The following PARD3B variants were observed in gnomAD, a reference collection of about 807,000 sequenced individuals.
The protein encoded by PARD3B is par-3 family cell polarity regulator beta, also known as partitioning defective 3 homolog B.
PARD3B carries 103 observed loss-of-function variants against 130.2 expected under a neutral mutation model. That is an observed-to-expected ratio of 0.79 (90% CI 0.67 to 0.93). The LOEUF is 0.93. PARD3B is among the 40% of genes least tolerant of loss of function. PARD3B has a pLI of 0.00. For synonymous variants in PARD3B, 583 were observed against 553.2 expected, an observed-to-expected ratio of 1.05 and a Z score of -0.76; for missense variants, 1,609 against 1,499.2, an observed-to-expected ratio of 1.07 and a Z score of -1.21.
rs1474364667 is a variant in PARD3B at position 204,669,032 on chromosome 2, GA to G, written c.121-17146del. On this transcript the variant is annotated intron_variant, in intron 1 of 22. Coordinates refer to ENST00000406610, the MANE Select transcript of PARD3B (RefSeq NM_001302769.2). This position sits in a 1 kb window ranked among gnomAD's most constrained non-coding sequence, Gnocchi z 4.3. The stretch of plus-strand genomic sequence containing the variant: ...AATGAATCCTCCCTTGGAGCCTCCA[GA>G]AAGGAATTCAGGTCCACTCACATCT... Among the ~76,000 whole-genome samples, 3 of 152,252 alleles carry G rather than the reference GA, an allele frequency of 2.0e-5. No homozygotes were observed. Among genetic ancestry groups the G allele is most frequent in the Admixed American group, 6.5e-5 (1 of 15,290 alleles).
chr2:204,746,827 TG>T (rs1256869208), intron 2 of PARD3B, among the ~76,000 whole-genome samples: 1 of 152,188 alleles, frequency 6.6e-6, no homozygotes, highest in Non-Finnish European at 1.5e-5. Context: ...GTGATGGGGT[TG>T]TTTTTTTCTT....
chr2:204,815,521 A>G (rs2043113387), intron 2 of PARD3B, among the ~76,000 whole-genome samples: 1 of 151,936 alleles, frequency 6.6e-6, no homozygotes, highest in South Asian at 2.1e-4. Context: ...TCTGCTTTCT[A>G]GTTCATTGAT....
chr2:204,815,868 G>A (rs895161622), intron 2 of PARD3B, among the ~76,000 whole-genome samples: 1 of 152,026 alleles, frequency 6.6e-6, no homozygotes, highest in African/African-American at 2.4e-5. Context: ...TCTGGTCAGG[G>A]AACATGCTTG....
intron 2 of PARD3B, among the ~76,000 whole-genome samples, chr2:204,905,318 G>T (rs939454099): frequency 1.3e-5 from 2 of 152,168 alleles, no homozygotes; most frequent in African/African-American, 2.4e-5. Flanking sequence ...TGGTGTTTGG[G>T]ACCTGGCATG....
At chr2:204,966,053 A>G (rs1228677590) in intron 3 of PARD3B, among the ~76,000 whole-genome samples, 2 of 152,186 alleles carry the variant, frequency 1.3e-5, no homozygotes, top group African/African-American at 2.4e-5. Flanking sequence ...GACTACTTAG[A>G]GCACCTGTTA....
intron 2 of PARD3B, among the ~76,000 whole-genome samples, chr2:204,873,740 A>T (rs13423367): frequency 6.6e-6 from 1 of 152,180 alleles, no homozygotes; most frequent in South Asian, 2.1e-4. Context: ...GTTACACCTG[A>T]GTCCACGTAA....
intron 15 of PARD3B, among the ~76,000 whole-genome samples, chr2:205,238,351 A>C (rs909691344): frequency 6.6e-5 from 10 of 152,294 alleles, no homozygotes; most frequent in African/African-American, 2.4e-4. Flanking sequence ...ACCGGCTGTC[A>C]TTCCATCTAC....
At chr2:205,380,084 A>T (rs1310215910) in intron 18 of PARD3B, among the ~76,000 whole-genome samples, 1 of 136,518 alleles carries the variant, frequency 7.3e-6, no homozygotes, top group African/African-American at 2.7e-5. Context: ...AAAAAAAAAT[A>T]TGTATATATA....
At chr2:204,903,657 A>T (rs973913960) in intron 2 of PARD3B, among the ~76,000 whole-genome samples, 1 of 152,154 alleles carries the variant, frequency 6.6e-6, no homozygotes, top group Non-Finnish European at 1.5e-5. Flanking sequence ...ATCGATCTGG[A>T]ATAAAATGAA....
At position 205,021,469 on chromosome 2, in the gene PARD3B, G is replaced by A. The variant is rs1696590039; in HGVS notation, c.395-26112G>A. ...TGACTTCCCAACGGCTGCTCACACAGCCTCTGGAAGTGGTAACTTTGGAAG... is the reference window on the plus strand; with the variant it reads ...TGACTTCCCAACGGCTGCTCACACAACCTCTGGAAGTGGTAACTTTGGAAG... On this transcript the variant is annotated intron_variant, in intron 3 of 22. Transcript: ENST00000406610. This position sits in a 1 kb window ranked among gnomAD's most constrained non-coding sequence, Gnocchi z 4.5. Among the ~76,000 whole-genome samples the A allele has an allele frequency of 2.0e-5, 3 of 152,202 alleles. No individual in the cohort carries two copies. The highest frequency in any genetic ancestry group is 2.0e-4 in the Admixed American group (3 of 15,272).
chr2:204,573,452 A>C (rs1275405224), intron 1 of PARD3B, among the ~76,000 whole-genome samples: 1 of 152,156 alleles, frequency 6.6e-6, no homozygotes. Context: ...CTTAGCAGTG[A>C]TGTCATTGAG....
rs181485284 is a variant in PARD3B at position 205,042,167 on chromosome 2, T to C, written c.395-5414T>C. 4.7e-4 allele frequency among the ~76,000 whole-genome samples: 71 copies of C among 152,300 alleles called. 1 individual carries two copies. Among genetic ancestry groups the C allele is most frequent in the East Asian group, 1.9e-3 (10 of 5,176 alleles). On this transcript the variant is annotated intron_variant, in intron 3 of 22. Coordinates refer to ENST00000406610, the MANE Select transcript of PARD3B (RefSeq NM_001302769.2). ...CAAACTGAATTAGACGACCCTCCTC[T>C]TGGCTTCCTTAGTGACATTTAAAGG... is the stretch of plus-strand genomic sequence containing the variant.
At position 205,461,466 on chromosome 2, in the gene PARD3B, G is replaced by T. The variant is rs956362298; in HGVS notation, c.3044+20794G>T. Among the ~76,000 whole-genome samples, 4 of 152,048 alleles carry T rather than the reference G, an allele frequency of 2.6e-5. No individual in the cohort carries two copies. The highest frequency in any genetic ancestry group is 4.4e-5 in the Non-Finnish European group (3 of 68,012). The stretch of plus-strand genomic sequence containing the variant: ...CTAGCACGGACTGCCATGTAGAAAA[G>T]GTCCCCTATTATTTCAGCACCACAT... On this transcript the variant is annotated intron_variant, in intron 20 of 22. Transcript: ENST00000406610. The surrounding 1 kb of genome is among the most constrained non-coding windows in gnomAD (Gnocchi z 4.3).
In PARD3B at chr2:204,733,157, C is replaced by T. The variant is rs544194545; in HGVS notation, c.222+46875C>T. 4.2e-4 allele frequency among the ~76,000 whole-genome samples: 63 copies of T among 148,262 alleles called. 2 individuals are homozygous for T. The highest frequency in any genetic ancestry group is 7.7e-4 in the Non-Finnish European group (52 of 67,194). ...ACTGGTAAAATTTTGGAATTTTGAG[C>T]ATCAAAAAAGAATAACGACTGTAAT... is the stretch of plus-strand genomic sequence containing the variant. On this transcript the variant is annotated intron_variant, in intron 2 of 22. Coordinates refer to ENST00000406610, the MANE Select transcript of PARD3B (RefSeq NM_001302769.2).
chr2:205,524,222 A>C (rs2051231655), intron 21 of PARD3B, among the ~76,000 whole-genome samples: 1 of 151,788 alleles, frequency 6.6e-6, no homozygotes, highest in Admixed American at 6.6e-5. Flanking sequence ...CTTTTTATTG[A>C]TGGCTTCATG....
intron 2 of PARD3B, among the ~76,000 whole-genome samples, chr2:204,688,743 A>G (rs1241493303): frequency 6.6e-6 from 1 of 152,126 alleles, no homozygotes; most frequent in Non-Finnish European, 1.5e-5. Flanking sequence ...AGTAACTATA[A>G]GTGATGCTTT....
chr2:205,556,165 A>G (rs1220697918), intron 22 of PARD3B, among the ~76,000 whole-genome samples: 1 of 152,180 alleles, frequency 6.6e-6, no homozygotes, highest in Non-Finnish European at 1.5e-5. Flanking sequence ...GAGCTTTGAA[A>G]TATTTATGGA....
At chr2:204,821,316 A>T (rs972884427) in intron 2 of PARD3B, among the ~76,000 whole-genome samples, 1 of 152,138 alleles carries the variant, frequency 6.6e-6, no homozygotes, top group African/African-American at 2.4e-5. Context: ...TCCAACAATG[A>T]TAGACTGGAT....
rs550833267 is a variant in PARD3B at position 205,585,663 on chromosome 2, T to C, written c.3261-29793T>C. 2.6e-5 allele frequency among the ~76,000 whole-genome samples: 4 copies of C among 152,280 alleles called. No individual in the cohort carries two copies. Among genetic ancestry groups the C allele is most frequent in the South Asian group, 2.1e-4 (1 of 4,820 alleles). On this transcript the variant is annotated intron_variant, in intron 22 of 22. Coordinates refer to ENST00000406610, the MANE Select transcript of PARD3B (RefSeq NM_001302769.2). The surrounding 1 kb of genome is among the most constrained non-coding windows in gnomAD (Gnocchi z 5.4). ...ATGGAAACATGTTCACTTACACAGA[T>C]TTCAATGTCCAAAGGAAATGTGGGG...
Sources: gnomAD v4.1 joint callset for allele counts (sites outside exome capture counted in the v4.1 genomes callset) on GRCh38, gnomAD v4.1.1 for gene constraint, Gnocchi (gnomAD v3.1) non-coding constraint, MANE v1.5 for transcripts, NCBI Gene and HGNC (gene_info 2026-07-23, HGNC 2026-07-21) for gene names.